Variants in TEX29 observed in about 807,000 individuals in gnomAD.
TEX29 encodes testis expressed 29.
A neutral mutation model predicts 18.2 loss-of-function variants in TEX29; 26 were observed. The observed-to-expected ratio is 1.43, with a 90% confidence interval of 1.04 to 1.98. The LOEUF is 1.98. Among genes scored for constraint, TEX29 ranks in the 30% most tolerant of loss-of-function variants. The probability of loss-of-function intolerance (pLI) is 0.00; values close to 1 mark genes in which losing one functional copy is unlikely to be tolerated. For missense variants in TEX29, 177 were observed against 194.2 expected, an observed-to-expected ratio of 0.91 and a Z score of 0.53; for synonymous variants, 83 against 78.5, an observed-to-expected ratio of 1.06 and a Z score of -0.31.
chr13:111,333,368 C>T (rs1246493996), intron 3 of TEX29, among the ~76,000 whole-genome samples: 2 of 152,188 alleles, frequency 1.3e-5, no homozygotes, highest in African/African-American at 4.8e-5. Flanking sequence ...TTTATGGTAT[C>T]CCACAGACCT....
chr13:111,320,978 T>TGGG, intron 2 of TEX29, 30 bp downstream of exon 2: 2 of 152,322 alleles, frequency 1.3e-5, no homozygotes, highest in Non-Finnish European at 2.2e-5. Context: ...GGGGGGCGGG[T>TGGG]GGGGTGGGGG....
chr13:111,339,806 C>A, intron 3 of TEX29, 57 bp from the exon 4 acceptor site: 7 of 1,588,922 alleles, frequency 4.4e-6, no homozygotes, highest in Non-Finnish European at 5.2e-6. Context: ...TTTTCTTCAT[C>A]TTCTTCCTTT....
chr13:111,330,728 C>T (rs954827294), intron 3 of TEX29, among the ~76,000 whole-genome samples: 9 of 152,164 alleles, frequency 5.9e-5, no homozygotes, highest in African/African-American at 2.2e-4. Flanking sequence ...CAGTCGTGTC[C>T]TATCCTTCCC....
chr13:111,342,078 A>G (rs1395617989), intron 4 of TEX29, among the ~76,000 whole-genome samples: 1 of 152,136 alleles, frequency 6.6e-6, no homozygotes, highest in African/African-American at 2.4e-5. Flanking sequence ...ATGGTGAGGA[A>G]ATGCAGACCC....
chr13:111,342,990 G>GGTTTTTTAATGATAC, intron 5 of TEX29, 59 bp downstream of exon 5: 1 of 1,578,914 alleles, frequency 6.3e-7, no homozygotes, highest in South Asian at 1.1e-5. Context: ...CTGTTCCCTC[G>GGTTTTTTAATGATAC]GGAGACCTTC....
intron 5 of TEX29, 46 bp downstream of exon 5, chr13:111,342,977 G>A: frequency 1.3e-6 from 2 of 1,595,952 alleles, no homozygotes; most frequent in Non-Finnish European, 1.7e-6. Flanking sequence ...CAAGGGCGTG[G>A]CTCTGTTCCC....
At chr13:111,331,044 T>C (rs1302693749) in intron 3 of TEX29, among the ~76,000 whole-genome samples, 3 of 152,270 alleles carry the variant, frequency 2.0e-5, no homozygotes, top group African/African-American at 7.2e-5. Flanking sequence ...ACATGTTTTT[T>C]ATTCTCTTGG....
At position 111,320,767 on chromosome 13, in the gene TEX29, G is replaced by A; in HGVS notation, c.-35+5G>A. 2 of 1,179,052 alleles carry A rather than the reference G, an allele frequency of 1.7e-6. No homozygotes were observed. The highest frequency in any genetic ancestry group is 2.5e-5 in the South Asian group (2 of 80,938). The allele number at this position is 1,179,052 out of a possible 1,614,324, so 73.0% of individuals were successfully genotyped here. ...CGCCTGGGATGTGAGGCGCAGGTGAGTCGATGAACGCCCCCTCCTGGTGTG... is the reference window on the plus strand; with the variant it reads ...CGCCTGGGATGTGAGGCGCAGGTGAATCGATGAACGCCCCCTCCTGGTGTG... On this transcript the variant is annotated splice_donor_5th_base_variant and intron_variant, in intron 1 of 5. Transcript: ENST00000283547.
At chr13:111,339,767 G>A (rs2093694732) in intron 3 of TEX29, 96 bp from the exon 4 acceptor site, 1 of 1,262,734 alleles carries the variant, frequency 7.9e-7, no homozygotes, top group Non-Finnish European at 1.2e-6. Flanking sequence ...GCGCCGGGAG[G>A]GCCCGCACCC....
chr13:111,327,300 A>G (rs1393351455), intron 2 of TEX29, among the ~76,000 whole-genome samples: 2 of 152,220 alleles, frequency 1.3e-5, no homozygotes, highest in African/African-American at 4.8e-5. Flanking sequence ...GGGGAACCTG[A>G]AAGACTAAAT....
At chr13:111,317,620 T>C (rs2093656724), upstream of TEX29, among the ~76,000 whole-genome samples, 1 of 152,218 alleles carries the variant, frequency 6.6e-6, no homozygotes, top group Non-Finnish European at 1.5e-5. Flanking sequence ...CCCAGCGAAG[T>C]CATCAACACG....
intron 3 of TEX29, among the ~76,000 whole-genome samples, chr13:111,336,960 A>C (rs2093690440): frequency 6.6e-6 from 1 of 152,222 alleles, no homozygotes; most frequent in South Asian, 2.1e-4. Flanking sequence ...GTGTCTCTTT[A>C]ACAGGACTTC....
chr13:111,316,278 T>A, upstream of TEX29: 1 of 489,236 alleles, frequency 2.0e-6, no homozygotes, highest in South Asian at 1.5e-5. Context: ...GTTGGATGAA[T>A]AAAGGAAATT....
intron 3 of TEX29, among the ~76,000 whole-genome samples, chr13:111,338,432 A>G (rs1384267428): frequency 2.6e-5 from 4 of 152,124 alleles, no homozygotes; most frequent in African/African-American, 9.7e-5. Context: ...CCCTGCTGAC[A>G]GTTTGTTCTT....
In TEX29 at chr13:111,339,903, T is replaced by C; in HGVS notation, c.210T>C (p.Ala70=). Residue 70 remains alanine, a synonymous_variant, in exon 4 of 6, where the codon GCT becomes GCC. Coordinates refer to ENST00000283547, the MANE Select transcript of TEX29 (RefSeq NM_152324.3). ...TCTCTGCCTTGATTGTGATCATCGC[T>C]GGGGCCTTCGTCATCACCATCATCT... is the stretch of plus-strand genomic sequence containing the variant. The part of the protein sequence containing the change: ...HVFSALIVII[A]GAFVITIIYR... 1 of 1,604,724 alleles carries C rather than the reference T, an allele frequency of 6.2e-7. No individual in the cohort carries two copies. Among genetic ancestry groups the C allele is most frequent in the South Asian group, 1.1e-5 (1 of 91,058 alleles).
intron 2 of TEX29, among the ~76,000 whole-genome samples, chr13:111,325,950 T>C (rs1252688898): frequency 6.6e-6 from 1 of 152,252 alleles, no homozygotes; most frequent in Non-Finnish European, 1.5e-5. Flanking sequence ...CAGAAACCTT[T>C]GTTCTCCTGG....
At chr13:111,330,653 T>C (rs2093681271) in intron 3 of TEX29, among the ~76,000 whole-genome samples, 1 of 152,258 alleles carries the variant, frequency 6.6e-6, no homozygotes, top group Non-Finnish European at 1.5e-5. Flanking sequence ...TTCACAGTTG[T>C]ACAGTCATCA....
At chr13:111,323,776 C>T (rs1431496609) in intron 2 of TEX29, among the ~76,000 whole-genome samples, 1 of 152,192 alleles carries the variant, frequency 6.6e-6, no homozygotes, top group Non-Finnish European at 1.5e-5. Flanking sequence ...TTCACACGCG[C>T]TCCAGGCAGG....
chr13:111,316,435 T>G (rs1183753386), upstream of TEX29, among the ~76,000 whole-genome samples: 1 of 152,138 alleles, frequency 6.6e-6, no homozygotes, highest in Non-Finnish European at 1.5e-5. Context: ...CTGGAAGGAG[T>G]TCTGTGCACT....
Sources: allele counts gnomAD v4.1 joint callset (sites outside exome capture counted in the v4.1 genomes callset), GRCh38; gene constraint gnomAD v4.1.1; transcripts MANE v1.5; gene names NCBI Gene and HGNC (gene_info 2026-07-23, HGNC 2026-07-21).